The following DPP6 variants were observed in gnomAD, a reference collection of about 807,000 sequenced individuals.
DPP6 encodes the protein dipeptidyl peptidase like 6, also known as A-type potassium channel modulatory protein DPP6.
DPP6 carries 69 observed loss-of-function variants against 122.6 expected under a neutral mutation model. The observed-to-expected ratio is 0.56, with a 90% CI of 0.46 to 0.69. The LOEUF is 0.69. DPP6 is among the 30% of genes least tolerant of loss of function. DPP6 has a pLI of 0.00. For missense variants in DPP6, 928 were observed against 1,116.9 expected (o/e 0.83, Z 2.41); for synonymous variants, 418 against 433.1 (o/e 0.97, Z 0.43).
intron 1 of DPP6, among the ~76,000 whole-genome samples, chr7:154,311,713 C>T (rs1806907068): frequency 6.6e-6 from 1 of 152,052 alleles, no homozygotes; most frequent in East Asian, 1.9e-4. Flanking sequence ...TACTCCCATC[C>T]CCATTTGTTG....
intron 2 of DPP6, among the ~76,000 whole-genome samples, chr7:154,472,463 TCC>T (rs1446915129): frequency 6.6e-6 from 1 of 151,966 alleles, no homozygotes; most frequent in Non-Finnish European, 1.5e-5. Context: ...CTGGAATCAA[TCC>T]CTCCCACTTT....
chr7:154,536,044 C>A (rs777316792), intron 3 of DPP6, among the ~76,000 whole-genome samples: 3 of 152,168 alleles, frequency 2.0e-5, no homozygotes, highest in Non-Finnish European at 4.4e-5. Context: ...TCTAAATTGT[C>A]ACTAATGCAT....
At chr7:154,118,057 C>G (rs1446576055) in intron 1 of DPP6, among the ~76,000 whole-genome samples, 1 of 149,394 alleles carries the variant, frequency 6.7e-6, no homozygotes, top group East Asian at 1.9e-4. Context: ...CAAGAGATGC[C>G]TGCTGGTAAA....
chr7:153,853,289 G>A, the DPP6 span, among the ~76,000 whole-genome samples: 3 of 152,100 alleles, frequency 2.0e-5, no homozygotes, highest in East Asian at 1.9e-4. Flanking sequence ...ACCTGATCTC[G>A]TTCACTTCTG....
At chr7:154,461,494 A>G (rs1290106348) in intron 2 of DPP6, among the ~76,000 whole-genome samples, 1 of 152,146 alleles carries the variant, frequency 6.6e-6, no homozygotes, top group Non-Finnish European at 1.5e-5. Context: ...ACAGTGTATG[A>G]GGGTTTCCTT....
chr7:153,890,412 C>G (rs1403158251), intron 1 of DPP6, among the ~76,000 whole-genome samples: 1 of 152,244 alleles, frequency 6.6e-6, no homozygotes, highest in African/African-American at 2.4e-5. Flanking sequence ...TATGATTGTT[C>G]TGGACCTGCA....
chr7:154,801,559 G>A, intron 13 of DPP6, 97 bp downstream of exon 13: 1 of 1,437,502 alleles, frequency 7.0e-7, no homozygotes, highest in African/African-American at 1.4e-5. Flanking sequence ...CGTTTTCGAG[G>A]ACCCCAAGGA....
chr7:153,919,220 C>T (rs1323287732), intron 1 of DPP6, among the ~76,000 whole-genome samples: 2 of 152,252 alleles, frequency 1.3e-5, no homozygotes, highest in African/African-American at 2.4e-5. Flanking sequence ...TGAGGACACT[C>T]GGTGTCATCC....
the DPP6 span, among the ~76,000 whole-genome samples, chr7:153,812,265 C>T: frequency 2.0e-5 from 3 of 152,018 alleles, no homozygotes; most frequent in Non-Finnish European, 4.4e-5. Context: ...CTACGCTCAC[C>T]TTTTAACATT....
At chr7:153,993,805 A>C (rs1291817705) in intron 1 of DPP6, among the ~76,000 whole-genome samples, 2 of 152,212 alleles carry the variant, frequency 1.3e-5, no homozygotes, top group Non-Finnish European at 2.9e-5. Flanking sequence ...TGAAAAGTAG[A>C]CCACAGTTAA....
intron 16 of DPP6, among the ~76,000 whole-genome samples, chr7:154,852,585 C>T (rs1802500321): frequency 6.6e-6 from 1 of 151,952 alleles, no homozygotes; most frequent in Non-Finnish European, 1.5e-5. Flanking sequence ...TCAGCATTCA[C>T]TCCACAAACA....
chr7:153,939,522 G>C lies in DPP6; in HGVS notation c.51+51788G>C, dbSNP rs114375613. ...TGACAGAGACACAAAGGTGAGTGTG[G>C]GGCACTGTGAGGAGTCTGAAAAAAA... On this transcript the variant is annotated intron_variant, in intron 1 of 25. Coordinates refer to the DPP6 transcript ENST00000404039. 2.6e-3 allele frequency among the ~76,000 whole-genome samples: 401 copies of C among 152,238 alleles called. 2 individuals are homozygous for C. The highest frequency in any genetic ancestry group is 9.3e-3 in the African/African-American group (388 of 41,544).
intron 16 of DPP6, among the ~76,000 whole-genome samples, chr7:154,826,004 A>G (rs1482310079): frequency 6.6e-6 from 1 of 152,180 alleles, no homozygotes; most frequent in Admixed American, 6.5e-5. Flanking sequence ...CTTATATCCT[A>G]GTGAGTAACT....
At chr7:154,492,697 T>C (rs1467312404) in intron 3 of DPP6, among the ~76,000 whole-genome samples, 1 of 152,186 alleles carries the variant, frequency 6.6e-6, no homozygotes, top group Non-Finnish European at 1.5e-5. Context: ...ATCACAAGTC[T>C]CATGGCTAGT....
At chr7:153,848,186 T>C in the DPP6 span, among the ~76,000 whole-genome samples, 4 of 152,042 alleles carry the variant, frequency 2.6e-5, no homozygotes, top group African/African-American at 4.8e-5. Context: ...TTAGTACAGA[T>C]TTAATAACAA....
chr7:154,216,785 C>T (rs978927455), intron 1 of DPP6, among the ~76,000 whole-genome samples: 21 of 148,112 alleles, frequency 1.4e-4, no homozygotes, highest in Non-Finnish European at 2.5e-4. Flanking sequence ...TTTACAAGTT[C>T]GTTATTGCTG....
the DPP6 span, among the ~76,000 whole-genome samples, chr7:153,834,168 T>G: frequency 6.6e-6 from 1 of 151,756 alleles, no homozygotes; most frequent in Non-Finnish European, 1.5e-5. Context: ...GCGCCTGTAG[T>G]CCCAGCTACT....
intron 1 of DPP6, among the ~76,000 whole-genome samples, chr7:154,440,043 G>A (rs757908398): frequency 1.7e-4 from 26 of 152,270 alleles, no homozygotes; most frequent in Non-Finnish European, 2.8e-4. Flanking sequence ...TGGATGTACC[G>A]GAAACATTGG....
chr7:153,867,794 A>G, the DPP6 span, among the ~76,000 whole-genome samples: 1 of 152,170 alleles, frequency 6.6e-6, no homozygotes, highest in African/African-American at 2.4e-5. Context: ...GGTTTGACAT[A>G]GATAGCTCTT....
Sources: gnomAD v4.1 joint callset for allele counts (sites outside exome capture counted in the v4.1 genomes callset) on GRCh38, gnomAD v4.1.1 for gene constraint, MANE v1.5 for transcripts, NCBI Gene and HGNC (gene_info 2026-07-23, HGNC 2026-07-21) for gene names.